Variants in ZNF18 observed in about 807,000 individuals in gnomAD.
The protein encoded by ZNF18 is heart development-specific gene 1 protein.
In ZNF18, 42 loss-of-function variants were observed where a neutral mutation model predicts 58.1. The ratio of observed to expected loss-of-function variants is 0.72; its 90% CI spans 0.56 to 0.93. The LOEUF is 0.93. Among genes scored for constraint, ZNF18 ranks in the 40% least tolerant of loss-of-function variants. The probability of loss-of-function intolerance (pLI) is 0.00; values close to 1 mark genes in which losing one functional copy is unlikely to be tolerated. For synonymous variants in ZNF18, 231 were observed against 239.8 expected (o/e 0.96, Z 0.34); for missense variants, 540 against 644.2 (o/e 0.84, Z 1.75).
Position 11,978,134 on chromosome 17 carries a change from G to T in ZNF18, c.1473C>A (p.Pro491=). Residue 491 remains proline, a synonymous_variant, in exon 7 of 7, where the codon CCC becomes CCA. Transcript: ENST00000580306. ...HHEKIHTGEK[P]YKCPICEKSF... The stretch of plus-strand genomic sequence containing the variant: ...TTTTCTCACAGATAGGACATTTATA[G>T]GGTTTCTCTCCTGTGTGGATTTTCT... The T allele has an allele frequency of 1.2e-6, 2 of 1,613,900 alleles. No individual in the cohort carries two copies. The highest frequency in any genetic ancestry group is 1.7e-6 in the Non-Finnish European group (2 of 1,179,946).
the ZNF18 span, chr17:12,021,516 A>G: frequency 6.0e-5 from 9 of 150,876 alleles, no homozygotes; most frequent in Admixed American, 4.0e-4. Flanking sequence ...GTCGCCGGGC[A>G]CAGCTGGAGC....
chr17:11,982,993 G>C (rs1216293551), intron 6 of ZNF18, among the ~76,000 whole-genome samples: 1 of 151,876 alleles, frequency 6.6e-6, no homozygotes, highest in Admixed American at 6.6e-5. Context: ...TATTTGTATT[G>C]GTCTTAATTT....
At chr17:12,016,489 T>G in the ZNF18 span, among the ~76,000 whole-genome samples, 8 of 152,062 alleles carry the variant, frequency 5.3e-5, no homozygotes, top group African/African-American at 1.9e-4. Context: ...GCCACCATGC[T>G]CGGCTAATTT....
the ZNF18 span, among the ~76,000 whole-genome samples, chr17:12,017,936 A>G: frequency 6.6e-6 from 1 of 152,226 alleles, no homozygotes; most frequent in South Asian, 2.1e-4. Context: ...ATAAAAAACA[A>G]GCAAGCTAGA....
intron 1 of ZNF18, chr17:11,993,672 A>C (rs1968274318): frequency 6.6e-6 from 1 of 151,730 alleles, no homozygotes; most frequent in Non-Finnish European, 1.5e-5. Flanking sequence ...AAAATACAAA[A>C]AATTAGCCGG....
At chr17:12,014,962 G>A in the ZNF18 span, among the ~76,000 whole-genome samples, 6 of 151,946 alleles carry the variant, frequency 3.9e-5, no homozygotes, top group Admixed American at 2.0e-4. Flanking sequence ...GCAGGAGAAC[G>A]GCGTGAACCC....
In ZNF18 at chr17:11,990,527, G is replaced by A. The variant is rs1307615761; in HGVS notation, c.601C>T (p.Arg201Ter). 1.1e-5 allele frequency: 17 copies of A among 1,611,068 alleles called. No homozygotes were observed. Among genetic ancestry groups the A allele is most frequent in the East Asian group, 2.2e-5 (1 of 44,860 alleles). ...TCTCTGATCAGCCTTTCCTCCAGTC[G>A]GGCAGGCTGGGAGGCAGCCAGGGCT... ...ELALAASQPA[R>*]LEERLIRDQD... Residue 201 changes from arginine (R) to a stop codon, truncating the protein, a stop_gained, in exon 4 of 7, where the codon CGA becomes TGA. Coordinates refer to ENST00000580306, the MANE Select transcript of ZNF18 (RefSeq NM_001303281.2). LOFTEE classifies it high-confidence loss of function.
chr17:11,978,515 C>T lies in ZNF18; in HGVS notation c.1092G>A (p.Arg364=). 2.5e-6 allele frequency: 4 copies of T among 1,607,982 alleles called. No homozygotes were observed. The highest frequency in any genetic ancestry group is 2.5e-6 in the Non-Finnish European group (3 of 1,177,474). ...GCTGACCTAGTTGTTTCTCAGAAAT[C>T]CTTTCTTGAGGAGACAGCTGTTCCC... is the stretch of plus-strand genomic sequence containing the variant. ...GTGEQLSPQE[R]ISEKQLGQHL... Residue 364 remains arginine, a synonymous_variant, in exon 7 of 7, where the codon AGG becomes AGA. Transcript: ENST00000580306.
chr17:12,013,861 G>A, the ZNF18 span, among the ~76,000 whole-genome samples: 1 of 152,214 alleles, frequency 6.6e-6, no homozygotes, highest in East Asian at 1.9e-4. Context: ...CTGATGGTTA[G>A]AGTAAGACAA....
At chr17:11,989,094 G>T (rs1042190256) in intron 4 of ZNF18, among the ~76,000 whole-genome samples, 1 of 151,982 alleles carries the variant, frequency 6.6e-6, no homozygotes, top group African/African-American at 2.4e-5. Flanking sequence ...AGAAGTCGGA[G>T]GTTGTAGTGA....
At chr17:12,021,159 C>T in the ZNF18 span, among the ~76,000 whole-genome samples, 1 of 151,670 alleles carries the variant, frequency 6.6e-6, no homozygotes, top group East Asian at 1.9e-4. Flanking sequence ...CCGCTCCCGG[C>T]CGCCTCCGGC....
intron 6 of ZNF18, among the ~76,000 whole-genome samples, chr17:11,982,042 C>CCTCTCCCAGT (rs576834545): frequency 1.8e-3 from 280 of 152,054 alleles, no homozygotes; most frequent in Non-Finnish European, 3.0e-3. Flanking sequence ...CTCACCTCCC[C>CCTCTCCCAGT]CTCTCCCAGT....
chr17:12,020,983 G>A, the ZNF18 span: 4 of 1,210,984 alleles, frequency 3.3e-6, no homozygotes, highest in Non-Finnish European at 4.1e-6. Flanking sequence ...AGGCCACCCG[G>A]CCGTCAGCAG....
At chr17:12,004,355 C>A in the ZNF18 span, among the ~76,000 whole-genome samples, 2 of 152,070 alleles carry the variant, frequency 1.3e-5, no homozygotes, top group African/African-American at 4.8e-5. Flanking sequence ...ACTAAACTAA[C>A]CCTAGCAAAA....
At chr17:12,012,187 C>T in the ZNF18 span, among the ~76,000 whole-genome samples, 3 of 152,138 alleles carry the variant, frequency 2.0e-5, no homozygotes, top group Non-Finnish European at 4.4e-5. Context: ...AAACAAGTAA[C>T]TAAATATTAC....
At chr17:11,980,216 T>C (rs1396667947) in intron 6 of ZNF18, among the ~76,000 whole-genome samples, 1 of 152,218 alleles carries the variant, frequency 6.6e-6, no homozygotes, top group Non-Finnish European at 1.5e-5. Flanking sequence ...TTTAAACTTA[T>C]GCCATTTAGA....
At chr17:12,000,854 T>C (rs1384518021), upstream of ZNF18, among the ~76,000 whole-genome samples, 3 of 151,914 alleles carry the variant, frequency 2.0e-5, no homozygotes, top group East Asian at 5.8e-4. Context: ...TGGTTGGGAG[T>C]AGAGAAATCC....
the ZNF18 span, among the ~76,000 whole-genome samples, chr17:12,009,465 T>G: frequency 6.6e-6 from 1 of 151,610 alleles, no homozygotes; most frequent in African/African-American, 2.4e-5. Flanking sequence ...TTCTTTTTCT[T>G]TTTTCGAGAC....
In ZNF18 at chr17:11,978,373, C is replaced by A. The variant is rs375117406; in HGVS notation, c.1234G>T (p.Glu412Ter). ...PMAQKLPTCR[E>*]CGKTFYRNSQ... ...TTCCTATAAAAGGTCTTCCCACACTCCCTGCAGGTGGGGAGCTTCTGGGCC... is the reference window on the plus strand; with the variant it reads ...TTCCTATAAAAGGTCTTCCCACACTACCTGCAGGTGGGGAGCTTCTGGGCC... Residue 412 changes from glutamate to a stop codon, truncating the protein, a stop_gained, in exon 7 of 7, where the codon GAG (glutamate) becomes TAG (stop). Transcript: ENST00000580306. LOFTEE classifies it high-confidence loss of function. 2 of 1,558,822 alleles carry A rather than the reference C, an allele frequency of 1.3e-6. No individual in the cohort carries two copies. Among genetic ancestry groups the A allele is most frequent in the Non-Finnish European group, 1.7e-6 (2 of 1,156,302 alleles).
Sources: allele counts gnomAD v4.1 joint callset (sites outside exome capture counted in the v4.1 genomes callset), GRCh38; gene constraint gnomAD v4.1.1; transcripts MANE v1.5; gene names NCBI Gene and HGNC (gene_info 2026-07-23, HGNC 2026-07-21).